EXTL3: variants seen among roughly 807,000 people sequenced by gnomAD.
EXTL3 encodes exostosin like glycosyltransferase 3.
A neutral mutation model predicts 69.3 loss-of-function variants in EXTL3; 27 were observed. The observed-to-expected ratio is 0.39, with a 90% CI of 0.29 to 0.54. The LOEUF is 0.54. Among genes scored for constraint, EXTL3 ranks in the 20% least tolerant of loss-of-function variants. The pLI is 0.69. For synonymous variants in EXTL3, 511 were observed against 499.4 expected (o/e 1.02, Z -0.31); for missense variants, 1,003 against 1,231.8 (o/e 0.81, Z 2.78).
intron 4 of EXTL3, 110 bp from the exon 5 acceptor site, chr8:28,737,409 A>G: frequency 1.7e-6 from 2 of 1,157,736 alleles, no homozygotes; most frequent in Non-Finnish European, 2.6e-6. Flanking sequence ...GGATACGAGA[A>G]GTAAAAGCCT....
At chr8:28,706,180 A>T (rs1238928508) in intron 1 of EXTL3, among the ~76,000 whole-genome samples, 1 of 152,248 alleles carries the variant, frequency 6.6e-6, no homozygotes, top group Non-Finnish European at 1.5e-5. Context: ...GATGATAAAG[A>T]ATAATGAGGT....
chr8:28,756,106 G>C (rs547310192), downstream of EXTL3, among the ~76,000 whole-genome samples: 3 of 152,072 alleles, frequency 2.0e-5, no homozygotes, highest in Admixed American at 2.0e-4. Flanking sequence ...TATTTTAAAC[G>C]TGCACACTGT....
At chr8:28,639,636 C>G (rs1424539809) in intron 1 of EXTL3, among the ~76,000 whole-genome samples, 1 of 152,174 alleles carries the variant, frequency 6.6e-6, no homozygotes, top group Non-Finnish European at 1.5e-5. Flanking sequence ...TGAGCCACTC[C>G]CTCCACCTGG....
At chr8:28,619,160 C>T (rs1352716830), upstream of EXTL3, among the ~76,000 whole-genome samples, 1 of 146,090 alleles carries the variant, frequency 6.8e-6, no homozygotes, top group Non-Finnish European at 1.5e-5. Context: ...TGATTTAGCA[C>T]GAGTTTTCCC....
chr8:28,733,975 GC>G (rs538295043), intron 4 of EXTL3, among the ~76,000 whole-genome samples: 215 of 152,020 alleles, frequency 1.4e-3, no homozygotes, highest in Admixed American at 2.9e-3. Flanking sequence ...CTGCCACCAT[GC>G]CTGGCTAATG....
In EXTL3 at chr8:28,701,617, A is replaced by AGGCGGCGGC. The variant is rs537721750; in HGVS notation, c.-597_-589dup. On this transcript the variant is annotated 5_prime_UTR_variant, in exon 1 of 7. Coordinates refer to ENST00000220562, the MANE Select transcript of EXTL3 (RefSeq NM_001440.4). ...GCTTCTGGGACGCCGACTTTCGCGC[A>AGGCGGCGGC]GGCGGCGGCGGCGGCGGCGGCGGGT... is the stretch of plus-strand genomic sequence containing the variant. 2,145 of 161,722 alleles carry AGGCGGCGGC rather than the reference A, an allele frequency of 0.013. 52 individuals are homozygous for AGGCGGCGGC. Among genetic ancestry groups the AGGCGGCGGC allele is most frequent in the African/African-American group, 0.048 (1,989 of 41,482 alleles). 10.0% of individuals were successfully genotyped at this position (161,722 alleles called of 1,614,324 possible).
In EXTL3 at chr8:28,755,230, G is replaced by A. The variant is rs1217376328; in HGVS notation, c.*4364G>A. ...CCGCTAGGTTTGAGCGCCAGCGCCT[G>A]GCTGAGTGCCCTGCTCACCTCCTAT... On this transcript the variant is annotated 3_prime_UTR_variant, in exon 7 of 7. Coordinates refer to ENST00000220562, the MANE Select transcript of EXTL3 (RefSeq NM_001440.4). 1.3e-5 allele frequency: 2 copies of A among 152,272 alleles called. No homozygotes were observed. The highest frequency in any genetic ancestry group is 2.4e-5 in the African/African-American group (1 of 41,454). The allele number at this position is 152,272 out of a possible 1,614,324, so 9.4% of individuals were successfully genotyped here.
At chr8:28,739,779 T>C (rs1478294335) in intron 5 of EXTL3, 1 of 152,194 alleles carries the variant, frequency 6.6e-6, no homozygotes, top group Non-Finnish European at 1.5e-5. Flanking sequence ...TTGTTTGGAC[T>C]GAGGATTGCA....
At chr8:28,682,471 C>G (rs1353509520) in intron 1 of EXTL3, among the ~76,000 whole-genome samples, 1 of 152,012 alleles carries the variant, frequency 6.6e-6, no homozygotes, top group South Asian at 2.1e-4. Context: ...GAGATGGAGT[C>G]TTGCTCTGTT....
intron 1 of EXTL3, among the ~76,000 whole-genome samples, chr8:28,658,204 G>A (rs551818584): frequency 2.8e-5 from 2 of 72,156 alleles, no homozygotes; most frequent in African/African-American, 1.7e-4. Flanking sequence ...GACGGTGGGT[G>A]GGGGGGGTCC....
At chr8:28,742,599 G>A in intron 5 of EXTL3, 1 of 195,378 alleles carries the variant, frequency 5.1e-6, no homozygotes, top group Non-Finnish European at 1.1e-5. Flanking sequence ...GCAGCAGGGA[G>A]TAGCCAGGGC....
intron 1 of EXTL3, among the ~76,000 whole-genome samples, chr8:28,649,091 A>G (rs1051975931): frequency 6.6e-6 from 1 of 152,076 alleles, no homozygotes; most frequent in Non-Finnish European, 1.5e-5. Context: ...TAGAGCCAGG[A>G]CAGGATCTTA....
chr8:28,647,314 A>C (rs566564281), intron 1 of EXTL3, among the ~76,000 whole-genome samples: 3 of 152,226 alleles, frequency 2.0e-5, no homozygotes, highest in African/African-American at 7.2e-5. Flanking sequence ...CATGTTGTCC[A>C]GGCTGGTCTC....
intron 1 of EXTL3, among the ~76,000 whole-genome samples, chr8:28,659,840 T>C (rs1807078674): frequency 6.6e-6 from 1 of 152,190 alleles, no homozygotes; most frequent in South Asian, 2.1e-4. Context: ...TCAGTGTTTC[T>C]TTGTTGTCTC....
At chr8:28,727,778 A>G (rs1801444091) in intron 3 of EXTL3, among the ~76,000 whole-genome samples, 1 of 152,214 alleles carries the variant, frequency 6.6e-6, no homozygotes, top group African/African-American at 2.4e-5. Flanking sequence ...TAATGTGCAC[A>G]GGAATCCCCC....
intron 1 of EXTL3, among the ~76,000 whole-genome samples, chr8:28,712,009 G>A (rs1326412583): frequency 4.6e-5 from 7 of 152,160 alleles, no homozygotes; most frequent in Non-Finnish European, 8.8e-5. Context: ...TCCTCCCCTC[G>A]AGGATTAGGC....
intron 1 of EXTL3, among the ~76,000 whole-genome samples, chr8:28,624,254 C>A (rs905733947): frequency 6.6e-6 from 1 of 152,182 alleles, no homozygotes; most frequent in Non-Finnish European, 1.5e-5. Context: ...CCACATCTCA[C>A]GTTAATATTC....
At position 28,636,989 on chromosome 8, in the gene EXTL3, A is replaced by T. The variant is rs143654619; in HGVS notation, c.-53+14179A>T. On this transcript the variant is annotated intron_variant, in intron 1 of 6. Coordinates refer to the EXTL3 transcript ENST00000523149. ...AGAGTGAGACTGTCTCAGAAAAAGA[A>T]AGAAAGAAGCGGGTGGAGGGGGTGG... Among the ~76,000 whole-genome samples the T allele has an allele frequency of 6.0e-3, 911 of 151,016 alleles. 9 individuals carry two copies. The highest frequency in any genetic ancestry group is 0.02 in the African/African-American group (834 of 40,912).
At chr8:28,664,576 C>T (rs1484972626) in intron 1 of EXTL3, among the ~76,000 whole-genome samples, 1 of 152,050 alleles carries the variant, frequency 6.6e-6, no homozygotes, top group Non-Finnish European at 1.5e-5. Flanking sequence ...TTTGACAGGT[C>T]TCAATATTTT....
Sources: gnomAD v4.1 joint callset for allele counts (sites outside exome capture counted in the v4.1 genomes callset) on GRCh38, gnomAD v4.1.1 for gene constraint, MANE v1.5 for transcripts, NCBI Gene and HGNC (gene_info 2026-07-23, HGNC 2026-07-21) for gene names.